Variants in RIMS2 observed in about 807,000 individuals in gnomAD.
The protein encoded by RIMS2 is regulating synaptic membrane exocytosis 2.
In RIMS2, 59 loss-of-function variants were observed where a neutral mutation model predicts 174.4. The ratio of observed to expected loss-of-function variants is 0.34; its 90% CI spans 0.27 to 0.42. The LOEUF is 0.42. Among genes scored for constraint, RIMS2 ranks in the 10% least tolerant of loss-of-function variants. RIMS2 has a pLI of 1.00. For synonymous variants in RIMS2, 606 were observed against 572.5 expected (o/e 1.06, Z -0.84); for missense variants, 1,620 against 1,666.3 (o/e 0.97, Z 0.48).
At chr8:103,554,342 A>G (rs1384742866) in intron 1 of RIMS2, among the ~76,000 whole-genome samples, 1 of 152,212 alleles carries the variant, frequency 6.6e-6, no homozygotes, top group Non-Finnish European at 1.5e-5. Flanking sequence ...ACAAATTTAC[A>G]AGCAAAAAAC....
chr8:104,159,781 G>T (rs1258851146), intron 19 of RIMS2, among the ~76,000 whole-genome samples: 2 of 152,062 alleles, frequency 1.3e-5, no homozygotes, highest in Non-Finnish European at 2.9e-5. Flanking sequence ...GTTCCAGGGG[G>T]TTTTTGTTGA....
intron 1 of RIMS2, among the ~76,000 whole-genome samples, chr8:103,644,483 T>G (rs1170410969): frequency 6.6e-6 from 1 of 151,868 alleles, no homozygotes. Context: ...AATGTAGGAG[T>G]TCACTGTTAA....
chr8:103,652,681 A>G, intron 1 of RIMS2: 2 of 1,350,796 alleles, frequency 1.5e-6, no homozygotes, highest in South Asian at 2.3e-5. Context: ...AGCCCCAGCA[A>G]AAACAACAAA....
chr8:103,989,698 G>A (rs1462901604), intron 17 of RIMS2, among the ~76,000 whole-genome samples: 2 of 152,116 alleles, frequency 1.3e-5, no homozygotes, highest in Non-Finnish European at 2.9e-5. Flanking sequence ...ATCTGTATAA[G>A]TGATTATAAT....
chr8:104,231,472 A>G (rs2099228561), intron 19 of RIMS2, among the ~76,000 whole-genome samples: 1 of 151,718 alleles, frequency 6.6e-6, no homozygotes, highest in Non-Finnish European at 1.5e-5. Context: ...TTCTTCCTTT[A>G]CCACTGTATA....
intron 19 of RIMS2, among the ~76,000 whole-genome samples, chr8:104,099,406 A>G (rs2097827163): frequency 6.6e-6 from 1 of 152,064 alleles, no homozygotes. Flanking sequence ...GCTATCTTCT[A>G]TTTATTACCA....
At chr8:103,900,116 A>G (rs2099319822) in intron 4 of RIMS2, among the ~76,000 whole-genome samples, 1 of 151,746 alleles carries the variant, frequency 6.6e-6, no homozygotes, top group South Asian at 2.1e-4. Context: ...TGTTTTAGTT[A>G]CTGTATCCTT....
intron 2 of RIMS2, among the ~76,000 whole-genome samples, chr8:103,713,551 C>A (rs2097333977): frequency 6.6e-6 from 1 of 152,086 alleles, no homozygotes; most frequent in South Asian, 2.1e-4. Context: ...TTGATTTTAT[C>A]ATTTCCTGTC....
intron 3 of RIMS2, among the ~76,000 whole-genome samples, chr8:103,866,122 G>T (rs2099083327): frequency 6.6e-6 from 1 of 152,122 alleles, no homozygotes. Context: ...AATTGTCTAA[G>T]AAGTTCATTC....
At chr8:103,847,560 C>T (rs2098974566) in intron 3 of RIMS2, among the ~76,000 whole-genome samples, 1 of 152,160 alleles carries the variant, frequency 6.6e-6, no homozygotes, top group South Asian at 2.1e-4. Flanking sequence ...AGCAGGCAGT[C>T]TATGAGCACA....
At chr8:103,855,468 A>G (rs2099022791) in intron 3 of RIMS2, among the ~76,000 whole-genome samples, 3 of 151,928 alleles carry the variant, frequency 2.0e-5, no homozygotes, top group Non-Finnish European at 2.9e-5. Flanking sequence ...GATCTTTCTA[A>G]CTTCTTGATA....
chr8:103,842,984 C>G (rs1056258709), intron 3 of RIMS2, among the ~76,000 whole-genome samples: 2 of 152,208 alleles, frequency 1.3e-5, no homozygotes, highest in African/African-American at 2.4e-5. Flanking sequence ...CTTAGTGTCT[C>G]TGTCCAAATT....
chr8:103,883,337 T>A (rs2099178841), intron 3 of RIMS2, among the ~76,000 whole-genome samples: 2 of 151,926 alleles, frequency 1.3e-5, no homozygotes, highest in South Asian at 4.1e-4. Flanking sequence ...TCTAGTGTTC[T>A]CTTCATGATA....
At chr8:103,998,840 G>A (rs890396183) in intron 17 of RIMS2, among the ~76,000 whole-genome samples, 1 of 151,760 alleles carries the variant, frequency 6.6e-6, no homozygotes, top group Non-Finnish European at 1.5e-5. Context: ...GTGGGAATTT[G>A]CAGTGAATCA....
intron 1 of RIMS2, among the ~76,000 whole-genome samples, chr8:103,680,590 A>G (rs376282302): frequency 2.0e-4 from 30 of 152,146 alleles, no homozygotes; most frequent in African/African-American, 6.5e-4. Flanking sequence ...AGCAAAATTA[A>G]CAGACTGAGA....
chr8:103,662,502 T>G (rs1373782587), intron 1 of RIMS2, among the ~76,000 whole-genome samples: 1 of 152,164 alleles, frequency 6.6e-6, no homozygotes, highest in Non-Finnish European at 1.5e-5. Flanking sequence ...TTCAAAGAAG[T>G]ACTTTTTTTG....
intron 2 of RIMS2, among the ~76,000 whole-genome samples, chr8:103,726,813 A>C (rs113784233): frequency 6.7e-6 from 1 of 150,256 alleles, no homozygotes; most frequent in Non-Finnish European, 1.5e-5. Flanking sequence ...GCTCACTGCA[A>C]CTTCTGTCTC....
chr8:103,798,357 G>T (rs1400021191), intron 3 of RIMS2, among the ~76,000 whole-genome samples: 2 of 152,088 alleles, frequency 1.3e-5, no homozygotes, highest in African/African-American at 2.4e-5. Flanking sequence ...AAGTTTTGTA[G>T]ATTTGTTAAA....
At chr8:103,849,813 A>G (rs2098987830) in intron 3 of RIMS2, among the ~76,000 whole-genome samples, 1 of 152,022 alleles carries the variant, frequency 6.6e-6, no homozygotes, top group Non-Finnish European at 1.5e-5. Flanking sequence ...AGAAACAAAA[A>G]TTATGTGTAT....
Sources: allele counts gnomAD v4.1 joint callset (sites outside exome capture counted in the v4.1 genomes callset), GRCh38; gene constraint gnomAD v4.1.1; transcripts MANE v1.5; gene names NCBI Gene and HGNC (gene_info 2026-07-23, HGNC 2026-07-21).